PCDHA10: variants seen among roughly 807,000 people sequenced by gnomAD.
PCDHA10 encodes protocadherin alpha-10.
PCDHA10 carries 45 observed loss-of-function variants against 61.2 expected under a neutral mutation model. The ratio of observed to expected loss-of-function variants is 0.74; its 90% CI spans 0.58 to 0.94. The LOEUF (loss-of-function observed/expected upper bound fraction) is 0.94. Ranked by LOEUF, PCDHA10 falls within the 40% of genes least tolerant of loss-of-function variation. The probability of loss-of-function intolerance (pLI) is 0.00; values close to 1 mark genes in which losing one functional copy is unlikely to be tolerated. For synonymous variants in PCDHA10, 602 were observed against 548.8 expected, an observed-to-expected ratio of 1.10 and a Z score of -1.35; for missense variants, 1,278 against 1,236.2, an observed-to-expected ratio of 1.03 and a Z score of -0.51.
At chr5:140,930,003 A>G (rs1440351209) in intron 1 of PCDHA10, 1 of 152,218 alleles carries the variant, frequency 6.6e-6, no homozygotes, top group Non-Finnish European at 1.5e-5. Flanking sequence ...ACCCTAAAAC[A>G]TAGCTGATAG....
intron 1 of PCDHA10, chr5:140,877,033 C>A: frequency 6.2e-7 from 1 of 1,612,480 alleles, no homozygotes; most frequent in East Asian, 2.2e-5. Flanking sequence ...GTACGCGCTG[C>A]AGCCGCTAGA....
At chr5:140,868,907 AC>A in intron 1 of PCDHA10, 2 of 869,128 alleles carry the variant, frequency 2.3e-6, no homozygotes, top group Non-Finnish European at 3.4e-6. Flanking sequence ...GTCGCTCTTT[AC>A]TTGGTGGAAA....
chr5:140,856,946 G>T lies in PCDHA10; in HGVS notation c.898G>T (p.Glu300Ter). ...ATTTTGGATAAACGAAAGGACGGGA[G>T]AAATAAAAGTAAATGATGCTATTGA... ...RKFWINERTGEIKVNDAIDFE... is the reference protein window; with the variant it reads ...RKFWINERTG The change falls in exon 1 of 4, where the codon GAA becomes TAA. Residue 300 changes from glutamate (E) to a stop codon, truncating the protein, a stop_gained. Coordinates refer to ENST00000307360, the MANE Select transcript of PCDHA10 (RefSeq NM_018901.4). LOFTEE classifies it high-confidence loss of function. 1 of 1,593,334 alleles carries T rather than the reference G, an allele frequency of 6.3e-7. No homozygotes were observed. The highest frequency in any genetic ancestry group is 2.2e-5 in the East Asian group (1 of 44,856).
intron 1 of PCDHA10, chr5:140,884,792 G>T: frequency 7.6e-7 from 1 of 1,312,776 alleles, no homozygotes; most frequent in Non-Finnish European, 1.0e-6. Context: ...AGTTGTTATC[G>T]AATTTAACAA....
At position 140,856,616 on chromosome 5, in the gene PCDHA10, T is replaced by G. The variant is rs1554148924; in HGVS notation, c.568T>G (p.Phe190Val). ...DIINKKDKDK[F>V]PVLVLRKLLD... ...TATAAACAAAAAAGACAAAGACAAA[T>G]TCCCAGTGCTTGTTCTGCGGAAGCT... is the stretch of plus-strand genomic sequence containing the variant. Residue 190 changes from phenylalanine (F) to valine (V), a missense_variant, in exon 1 of 4, where the codon TTC (phenylalanine) becomes GTC (valine). By Grantham distance (50) the Phe-to-Val change is conservative. Coordinates refer to ENST00000307360, the MANE Select transcript of PCDHA10 (RefSeq NM_018901.4). The G allele has an allele frequency of 2.5e-6, 4 of 1,597,862 alleles. 1 individual carries two copies. Among genetic ancestry groups the G allele is most frequent in the Non-Finnish European group, 3.4e-6 (4 of 1,167,486 alleles).
At chr5:140,993,984 CACTT>C (rs2097589955) in intron 3 of PCDHA10, among the ~76,000 whole-genome samples, 1 of 152,114 alleles carries the variant, frequency 6.6e-6, no homozygotes, top group Non-Finnish European at 1.5e-5. Flanking sequence ...ATTTATTAAG[CACTT>C]AGGTCAGGCC....
At chr5:140,954,036 T>G (rs527853766) in intron 1 of PCDHA10, among the ~76,000 whole-genome samples, 170 of 152,342 alleles carry the variant, frequency 1.1e-3, no homozygotes, top group African/African-American at 3.9e-3. Context: ...GATGTGGTAT[T>G]TGGTTTTCTG....
At chr5:140,882,013 A>G (rs2058902739) in intron 1 of PCDHA10, 1 of 534,534 alleles carries the variant, frequency 1.9e-6, no homozygotes, top group African/African-American at 1.9e-5. Flanking sequence ...GCAAAAAAAT[A>G]CTACATCAAT....
chr5:140,884,183 G>A (rs201206731), intron 1 of PCDHA10: 1 of 1,613,424 alleles, frequency 6.2e-7, no homozygotes, highest in Non-Finnish European at 8.5e-7. Flanking sequence ...CCCTCTGGAC[G>A]AGGTGGACGC....
At chr5:140,889,101 T>TCC in intron 1 of PCDHA10, among the ~76,000 whole-genome samples, 1 of 152,074 alleles carries the variant, frequency 6.6e-6, no homozygotes, top group East Asian at 1.9e-4. Context: ...AATTTTTTCA[T>TCC]CTTTATTCCA....
chr5:140,955,501 A>G (rs1479045859), intron 1 of PCDHA10, among the ~76,000 whole-genome samples: 5 of 152,114 alleles, frequency 3.3e-5, no homozygotes, highest in African/African-American at 1.2e-4. Context: ...CATGTGAAGA[A>G]AGACGTGTTT....
rs1554148838 is a variant in PCDHA10, at chr5:140,856,540, C to T, written c.492C>T (p.Asn164=). Residue 164 remains asparagine, a synonymous_variant, in exon 1 of 4, where the codon AAC becomes AAT. Transcript: ENST00000307360. ...CATCTGATGCGGATGTTGGAGAGAA[C>T]GCATTGCTTACTTACAAACTCAGTC... ...EGASDADVGE[N]ALLTYKLSPN... is the part of the protein sequence containing the mutation. 1 of 1,598,278 alleles carries T rather than the reference C, an allele frequency of 6.3e-7. No homozygotes were observed. Among genetic ancestry groups the T allele is most frequent in the Non-Finnish European group, 8.6e-7 (1 of 1,167,756 alleles).
chr5:140,967,087 G>T (rs782556858), intron 1 of PCDHA10: 2 of 1,613,138 alleles, frequency 1.2e-6, no homozygotes, highest in East Asian at 4.5e-5. Flanking sequence ...GCATTGATCG[G>T]GAGGCGCTGT....
chr5:140,869,694 GA>G, intron 1 of PCDHA10: 1 of 1,613,394 alleles, frequency 6.2e-7, no homozygotes, highest in Non-Finnish European at 8.5e-7. Context: ...TTATTTTAAA[GA>G]AGTCTCTGGA....
chr5:140,863,300 C>T (rs1554158081), intron 1 of PCDHA10: 1 of 1,463,972 alleles, frequency 6.8e-7, no homozygotes, highest in Admixed American at 1.8e-5. Flanking sequence ...CTGATCATCG[C>T]CATCTGCGTG....
chr5:140,876,118 G>A (rs2153337008), intron 1 of PCDHA10: 1 of 1,613,926 alleles, frequency 6.2e-7, no homozygotes, highest in South Asian at 1.1e-5. Flanking sequence ...GATGGTAATC[G>A]ATGGCGGTAA....
intron 1 of PCDHA10, chr5:140,875,776 T>G: frequency 6.2e-7 from 1 of 1,613,910 alleles, no homozygotes; most frequent in Non-Finnish European, 8.5e-7. Context: ...GAGCGCGGAG[T>G]GCAGTATCCA....
intron 1 of PCDHA10, among the ~76,000 whole-genome samples, chr5:140,942,516 G>C (rs1172442572): frequency 2.0e-5 from 3 of 152,004 alleles, no homozygotes; most frequent in African/African-American, 7.3e-5. Flanking sequence ...AAACTCAGAG[G>C]GGAAGCAACT....
At chr5:140,923,043 T>C (rs1274355780) in intron 1 of PCDHA10, among the ~76,000 whole-genome samples, 2 of 152,228 alleles carry the variant, frequency 1.3e-5, no homozygotes, top group Non-Finnish European at 1.5e-5. Context: ...ACATGTATAG[T>C]ATTTAGAATA....
Sources: gnomAD v4.1 joint callset for allele counts (sites outside exome capture counted in the v4.1 genomes callset) on GRCh38, gnomAD v4.1.1 for gene constraint, MANE v1.5 for transcripts, NCBI Gene and HGNC (gene_info 2026-07-23, HGNC 2026-07-21) for gene names.